PPP1R8: variants seen among roughly 807,000 people sequenced by gnomAD.
PPP1R8 encodes the protein protein phosphatase 1 regulatory subunit 8.
Under a neutral mutation model 31.3 loss-of-function variants are expected in PPP1R8, and 4 were observed. The ratio of observed to expected loss-of-function variants is 0.13; its 90% CI spans 0.06 to 0.29. The LOEUF is 0.29. Ranked by LOEUF, PPP1R8 falls within the 10% of genes least tolerant of loss-of-function variation. The pLI is 1.00. For missense variants in PPP1R8, 254 were observed against 440.1 expected (o/e 0.58, Z 3.78); for synonymous variants, 170 against 169.7 (o/e 1.00, Z -0.01).
In PPP1R8 at chr1:27,835,878, C is replaced by T. The variant is rs149321617; in HGVS notation, c.118-2821C>T. Among the ~76,000 whole-genome samples, 1,333 of 152,234 alleles carry T rather than the reference C, an allele frequency of 8.8e-3. 7 individuals carry two copies. The highest frequency in any genetic ancestry group is 0.014 in the Middle Eastern group (4 of 294). ...AAAAATAGGAAGAGAATAGTATTAC[C>T]CACCTCATAGGGTGGTTGTGAGGAT... On this transcript the variant is annotated intron_variant, in intron 2 of 6. Coordinates refer to ENST00000311772, the MANE Select transcript of PPP1R8 (RefSeq NM_014110.5).
chr1:27,832,423 A>T (rs140570266), intron 1 of PPP1R8, among the ~76,000 whole-genome samples: 5 of 152,308 alleles, frequency 3.3e-5, no homozygotes, highest in Admixed American at 6.5e-5. Context: ...TTTCAGATTC[A>T]AACTCCAGGT....
In PPP1R8 at chr1:27,838,868, C is replaced by G. The variant is rs142060792; in HGVS notation, c.271+16C>G. 13 of 1,552,388 alleles carry G rather than the reference C, an allele frequency of 8.4e-6. No homozygotes were observed. The East Asian group carries it at 2.5e-4, about 30-fold the overall frequency. Reference sequence around the variant, plus strand: ...CTCAACAGTAGTAAGTAACTCCCTCCCAATTCACATGTTACCTTTAGGCAA... The same window carrying G: ...CTCAACAGTAGTAAGTAACTCCCTCGCAATTCACATGTTACCTTTAGGCAA... On this transcript the variant is annotated intron_variant, in intron 3 of 6. Coordinates refer to ENST00000311772, the MANE Select transcript of PPP1R8 (RefSeq NM_014110.5).
chr1:27,849,996 T>G, intron 6 of PPP1R8, 97 bp from the exon 7 acceptor site: 2 of 1,203,398 alleles, frequency 1.7e-6, no homozygotes, highest in Non-Finnish European at 2.3e-6. Context: ...CCAAAAGCCA[T>G]TTTTTTAAGG....
chr1:27,843,242 G>A lies in PPP1R8; in HGVS notation c.549G>A (p.Glu183=). ...HNKRISTLTI[E]EGNLDIQRPK... ...AGCGGATTTCTACCCTTACCATTGAGGAGGGAAATCTGGACATTCAAAGAC... is the reference window on the plus strand; with the variant it reads ...AGCGGATTTCTACCCTTACCATTGAAGAGGGAAATCTGGACATTCAAAGAC... The change falls in exon 5 of 7, where the codon GAG becomes GAA. Residue 183 remains glutamate (E), a synonymous_variant. Transcript: ENST00000311772. 1.2e-6 allele frequency: 2 copies of A among 1,614,150 alleles called. No individual in the cohort carries two copies. The highest frequency in any genetic ancestry group is 8.5e-7 in the Non-Finnish European group (1 of 1,180,024).
Position 27,850,630 on chromosome 1 carries a change from C to T in PPP1R8, c.*184C>T. 1 of 587,538 alleles carries T rather than the reference C, an allele frequency of 1.7e-6. No homozygotes were observed. The highest frequency in any genetic ancestry group is 3.0e-6 in the Non-Finnish European group (1 of 337,056). 36.4% of individuals were successfully genotyped at this position (587,538 alleles called of 1,614,324 possible). On this transcript the variant is annotated 3_prime_UTR_variant, in exon 7 of 7. Transcript: ENST00000311772. ...GTTGAAATAGCCCATAAAGACCTGT[C>T]TTCACAACACTTGCATTGTAGAGAA... is the stretch of plus-strand genomic sequence containing the variant.
In PPP1R8 at chr1:27,850,457, C is replaced by T. The variant is rs2089332422; in HGVS notation, c.*11C>T. ...TCCTTGCTGATTTGATATTTTTGGT[C>T]ATGGAGAAGGGTGGGATTGGGTGGG... On this transcript the variant is annotated 3_prime_UTR_variant, in exon 7 of 7. Transcript: ENST00000311772. The T allele has an allele frequency of 1.6e-6, 1 of 609,242 alleles. No individual in the cohort carries two copies. Among genetic ancestry groups the T allele is most frequent in the Non-Finnish European group, 2.9e-6 (1 of 348,206 alleles). The allele number at this position is 609,242 out of a possible 1,614,324, so 37.7% of individuals were successfully genotyped here.
Position 27,841,075 on chromosome 1 carries a change from C to A in PPP1R8, c.333C>A (p.Ile111=). 6.2e-7 allele frequency: 1 copy of A among 1,614,156 alleles called. No individual in the cohort carries two copies. Among genetic ancestry groups the A allele is most frequent in the Non-Finnish European group, 8.5e-7 (1 of 1,180,038 alleles). The change falls in exon 4 of 7, where the codon ATC becomes ATA. Residue 111 remains isoleucine, a synonymous_variant. Transcript: ENST00000311772. ...LEPHKPQQIP[I]DSTVSFGAST... is the part of the protein sequence containing the mutation. ...CTCACAAGCCTCAGCAAATTCCCATCGATTCCACGGTCTCATTTGGCGCAT... is the reference window on the plus strand; with the variant it reads ...CTCACAAGCCTCAGCAAATTCCCATAGATTCCACGGTCTCATTTGGCGCAT...
At chr1:27,847,669 T>G (rs1388031456) in intron 6 of PPP1R8, among the ~76,000 whole-genome samples, 1 of 151,962 alleles carries the variant, frequency 6.6e-6, no homozygotes, top group East Asian at 1.9e-4. Context: ...AGGTGGAAGT[T>G]GCAGTGAGCT....
Position 27,850,551 on chromosome 1 carries a change from C to T in PPP1R8, c.*105C>T, listed in dbSNP as rs1321189404. 1.9e-6 allele frequency: 2 copies of T among 1,032,434 alleles called. No individual in the cohort carries two copies. The highest frequency in any genetic ancestry group is 5.7e-5 in the Admixed American group (2 of 35,188). The allele number at this position is 1,032,434 out of a possible 1,614,324, so 64.0% of individuals were successfully genotyped here. Reference sequence around the variant, plus strand: ...AAACTTTCCATGTGTGCGGTATCGTCTTTCAGAATGTCTCCTGGCATCCTA... The same window carrying T: ...AAACTTTCCATGTGTGCGGTATCGTTTTTCAGAATGTCTCCTGGCATCCTA... On this transcript the variant is annotated 3_prime_UTR_variant, in exon 7 of 7. Transcript: ENST00000311772.
At chr1:27,848,824 G>T (rs1251781604) in intron 6 of PPP1R8, among the ~76,000 whole-genome samples, 1 of 152,084 alleles carries the variant, frequency 6.6e-6, no homozygotes, top group African/African-American at 2.4e-5. Context: ...TGTCATTAAA[G>T]TACAAAATCA....
intron 4 of PPP1R8, 134 bp from the exon 5 acceptor site, chr1:27,843,052 T>A: frequency 2.1e-6 from 2 of 968,200 alleles, no homozygotes; most frequent in Non-Finnish European, 3.1e-6. Flanking sequence ...CTTCTCTAAA[T>A]GCAGAAGTGT....
intron 5 of PPP1R8, among the ~76,000 whole-genome samples, chr1:27,845,783 CTTTTTTT>C (rs773994854): frequency 5.4e-5 from 5 of 91,818 alleles, no homozygotes; most frequent in African/African-American, 1.0e-4. Flanking sequence ...TTCTTTCTTT[CTTTTTTT>C]TTTTTTTTTT....
intron 2 of PPP1R8, among the ~76,000 whole-genome samples, chr1:27,836,581 AT>A (rs377354182): frequency 3.4e-5 from 5 of 148,780 alleles, no homozygotes; most frequent in Non-Finnish European, 4.5e-5. Flanking sequence ...CGCCCGGCTA[AT>A]TTTTTTTTTG....
chr1:27,843,343 G>A lies in PPP1R8; in HGVS notation c.637+13G>A. ...ATCATCAACCCAGGTGAGGTATCTTGCTAGTTTATTCTGATGAAAAAGCTG... is the reference window on the plus strand; with the variant it reads ...ATCATCAACCCAGGTGAGGTATCTTACTAGTTTATTCTGATGAAAAAGCTG... On this transcript the variant is annotated intron_variant, in intron 5 of 6. Coordinates refer to ENST00000311772, the MANE Select transcript of PPP1R8 (RefSeq NM_014110.5). The A allele has an allele frequency of 1.2e-6, 2 of 1,614,026 alleles. No homozygotes were observed. Among genetic ancestry groups the A allele is most frequent in the Non-Finnish European group, 1.7e-6 (2 of 1,179,954 alleles).
intron 2 of PPP1R8, among the ~76,000 whole-genome samples, chr1:27,833,879 G>A (rs555832691): frequency 2.0e-5 from 3 of 152,284 alleles, no homozygotes; most frequent in South Asian, 4.1e-4. Flanking sequence ...AGGCATGCAC[G>A]AGTTTTAATG....
intron 2 of PPP1R8, among the ~76,000 whole-genome samples, chr1:27,835,341 G>A (rs1465647935): frequency 6.6e-6 from 1 of 152,200 alleles, no homozygotes; most frequent in African/African-American, 2.4e-5. Context: ...TACCTAGAGA[G>A]AACAAGTTGT....
intron 6 of PPP1R8, among the ~76,000 whole-genome samples, 174 bp downstream of exon 6, chr1:27,847,266 G>T (rs1235621161): frequency 6.6e-6 from 1 of 152,082 alleles, no homozygotes; most frequent in Non-Finnish European, 1.5e-5. Flanking sequence ...CAGCACTTTG[G>T]GAGGCCAAGG....
At chr1:27,845,828 C>T (rs374021136) in intron 5 of PPP1R8, among the ~76,000 whole-genome samples, 7 of 116,998 alleles carry the variant, frequency 6.0e-5, no homozygotes, top group East Asian at 2.8e-4. Context: ...CTCCTTCTGT[C>T]GCCCAGGCTG....
chr1:27,849,225 G>A (rs1041818699), intron 6 of PPP1R8, among the ~76,000 whole-genome samples: 6 of 152,000 alleles, frequency 3.9e-5, no homozygotes, highest in African/African-American at 1.4e-4. Context: ...TACAAAATTA[G>A]CCAGGCGTGG....
Sources: gnomAD v4.1 joint callset for allele counts (sites outside exome capture counted in the v4.1 genomes callset) on GRCh38, gnomAD v4.1.1 for gene constraint, MANE v1.5 for transcripts, NCBI Gene and HGNC (gene_info 2026-07-23, HGNC 2026-07-21) for gene names.